The following TNR variants were observed in gnomAD, a reference collection of about 807,000 sequenced individuals.
TNR encodes the protein tenascin-R.
In TNR, 45 loss-of-function variants were observed where a neutral mutation model predicts 150.4. That is an observed-to-expected ratio of 0.30 (90% CI 0.24 to 0.38). The LOEUF (loss-of-function observed/expected upper bound fraction) is 0.38, where lower values mean the gene tolerates loss of function less well. Among genes scored for constraint, TNR ranks in the 10% least tolerant of loss-of-function variants. TNR has a pLI of 1.00. For missense variants in TNR, 1,544 were observed against 1,759.1 expected, an observed-to-expected ratio of 0.88 and a Z score of 2.19; for synonymous variants, 687 against 678.4, an observed-to-expected ratio of 1.01 and a Z score of -0.20.
chr1:175,337,240 TG>T (rs1370273892), intron 19 of TNR, among the ~76,000 whole-genome samples: 1 of 152,216 alleles, frequency 6.6e-6, no homozygotes, highest in Non-Finnish European at 1.5e-5. Flanking sequence ...GCAAGATCCT[TG>T]GGCCCAACAG....
chr1:175,529,478 G>A (rs1246330831), intron 1 of TNR, among the ~76,000 whole-genome samples: 2 of 152,204 alleles, frequency 1.3e-5, no homozygotes, highest in Non-Finnish European at 2.9e-5. Context: ...GCTGCCTGGC[G>A]AGTGGGGACA....
intron 2 of TNR, among the ~76,000 whole-genome samples, chr1:175,484,530 TTCTC>T (rs140146268): frequency 6.7e-6 from 1 of 150,130 alleles, no homozygotes; most frequent in East Asian, 1.9e-4. Context: ...CTCCTAGTCT[TTCTC>T]TCTCTCTCTC....
At chr1:175,493,168 G>C (rs763532929) in intron 2 of TNR, among the ~76,000 whole-genome samples, 56 of 152,006 alleles carry the variant, frequency 3.7e-4, no homozygotes, top group Non-Finnish European at 5.9e-4. Context: ...GATGCTCAGG[G>C]TTGCACGGAG....
At chr1:175,574,389 G>GA (rs1393518659) in intron 1 of TNR, among the ~76,000 whole-genome samples, 3 of 152,206 alleles carry the variant, frequency 2.0e-5, no homozygotes, top group Admixed American at 6.5e-5. Context: ...AGAAGAGAGA[G>GA]AAAAAAGAGG....
chr1:175,473,358 G>A (rs1657379225), intron 2 of TNR, among the ~76,000 whole-genome samples: 1 of 152,200 alleles, frequency 6.6e-6, no homozygotes, highest in Admixed American at 6.5e-5. Flanking sequence ...CCCCAGAGAT[G>A]CTCTCGGACA....
chr1:175,684,790 T>C (rs755722059), intron 1 of TNR, among the ~76,000 whole-genome samples: 1 of 152,192 alleles, frequency 6.6e-6, no homozygotes, highest in Non-Finnish European at 1.5e-5. Context: ...ACAGTATACA[T>C]GATCATATTA....
intron 1 of TNR, among the ~76,000 whole-genome samples, chr1:175,613,434 C>A (rs945911811): frequency 6.6e-6 from 1 of 152,138 alleles, no homozygotes; most frequent in Non-Finnish European, 1.5e-5. Context: ...CAAGTTAGCA[C>A]CCATATCCCC....
At chr1:175,415,981 T>A (rs1476382596) in intron 2 of TNR, among the ~76,000 whole-genome samples, 1 of 152,180 alleles carries the variant, frequency 6.6e-6, no homozygotes, top group Non-Finnish European at 1.5e-5. Context: ...AAGTCTGTCT[T>A]GTAACTTTAG....
intron 22 of TNR, among the ~76,000 whole-genome samples, chr1:175,323,972 T>A (rs994371373): frequency 1.3e-5 from 2 of 152,206 alleles, no homozygotes; most frequent in African/African-American, 2.4e-5. Context: ...GTCACCCAGC[T>A]TAGCCTATAA....
intron 8 of TNR, among the ~76,000 whole-genome samples, chr1:175,381,939 T>C (rs1161529709): frequency 6.6e-6 from 1 of 152,196 alleles, no homozygotes; most frequent in East Asian, 1.9e-4. Context: ...ATCAAGCTTA[T>C]TCATACCTCA....
At chr1:175,682,485 AT>A (rs1286291938) in intron 1 of TNR, among the ~76,000 whole-genome samples, 1 of 151,834 alleles carries the variant, frequency 6.6e-6, no homozygotes, top group Admixed American at 6.6e-5. Flanking sequence ...AGGAGTGTGG[AT>A]TTTTTTTCAT....
intron 1 of TNR, among the ~76,000 whole-genome samples, chr1:175,712,291 G>A (rs1030618961): frequency 2.6e-5 from 4 of 152,140 alleles, no homozygotes; most frequent in Admixed American, 2.6e-4. Flanking sequence ...GCAGTGAAGA[G>A]CCATTAAAAA....
At chr1:175,634,429 C>T (rs1163429541) in intron 1 of TNR, among the ~76,000 whole-genome samples, 1 of 152,196 alleles carries the variant, frequency 6.6e-6, no homozygotes, top group Non-Finnish European at 1.5e-5. Flanking sequence ...GCTGATGGGC[C>T]TTTATCATCT....
chr1:175,740,114 G>A (rs1364906891), intron 1 of TNR, among the ~76,000 whole-genome samples: 1 of 152,158 alleles, frequency 6.6e-6, no homozygotes, highest in African/African-American at 2.4e-5. Context: ...CCACATCTTT[G>A]CTACTTACCC....
At chr1:175,667,475 C>A (rs1424983337) in intron 1 of TNR, among the ~76,000 whole-genome samples, 1 of 152,206 alleles carries the variant, frequency 6.6e-6, no homozygotes, top group African/African-American at 2.4e-5. Flanking sequence ...TTCTTAAGCA[C>A]CTGCTATGTG....
intron 1 of TNR, among the ~76,000 whole-genome samples, chr1:175,727,879 C>A (rs2101950462): frequency 6.6e-6 from 1 of 152,140 alleles, no homozygotes; most frequent in African/African-American, 2.4e-5. Flanking sequence ...AAAGTGAGGG[C>A]AACTGTCTCT....
chr1:175,458,264 A>G (rs1656654473), intron 2 of TNR, among the ~76,000 whole-genome samples: 1 of 152,190 alleles, frequency 6.6e-6, no homozygotes. Context: ...TACTGTGTAA[A>G]CCATTATGCT....
In TNR at chr1:175,532,179, T is replaced by C. The variant is rs371991150; in HGVS notation, c.-164-3810A>G. ...CAAATTGCTGGAGATGTTCCAGTAA[T>C]GGATATTTGATCCCAAGGATGCTGA... On this transcript the variant is annotated intron_variant, in intron 1 of 22. Coordinates refer to ENST00000367674, the MANE Select transcript of TNR (RefSeq NM_003285.3). Among the ~76,000 whole-genome samples the C allele has an allele frequency of 9.2e-5, 14 of 152,382 alleles. No homozygotes were observed. In the South Asian group the frequency reaches 1.0e-3, roughly 11 times the overall value.
intron 4 of TNR, among the ~76,000 whole-genome samples, chr1:175,400,650 C>T (rs958562062): frequency 3.9e-5 from 6 of 152,174 alleles, no homozygotes; most frequent in African/African-American, 7.2e-5. Context: ...CTATTTTCTA[C>T]GCCCTTGCCA....
Sources: gnomAD v4.1 joint callset for allele counts (sites outside exome capture counted in the v4.1 genomes callset) on GRCh38, gnomAD v4.1.1 for gene constraint, MANE v1.5 for transcripts, NCBI Gene and HGNC (gene_info 2026-07-23, HGNC 2026-07-21) for gene names.